The following IL12RB2 variants were observed in gnomAD, a reference collection of about 807,000 sequenced individuals.
The protein encoded by IL12RB2 is interleukin 12 receptor subunit beta 2.
IL12RB2 carries 82 observed loss-of-function variants against 89.4 expected under a neutral mutation model. The observed-to-expected ratio is 0.92, with a 90% CI of 0.77 to 1.10. The LOEUF is 1.10. Among genes scored for constraint, IL12RB2 ranks in the 50% least tolerant of loss-of-function variants. The pLI is 0.00. For missense variants in IL12RB2, 963 were observed against 1,031.9 expected (o/e 0.93, Z 0.92); for synonymous variants, 368 against 370.1 (o/e 0.99, Z 0.07).
intron 13 of IL12RB2, among the ~76,000 whole-genome samples, chr1:67,379,447 T>C (rs1171596356): frequency 6.2e-5 from 9 of 144,130 alleles, no homozygotes; most frequent in Admixed American, 1.5e-4. Flanking sequence ...GAGGCGGAGG[T>C]TGCAGTGAGC....
intron 4 of IL12RB2, among the ~76,000 whole-genome samples, chr1:67,325,265 T>G (rs1250771850): frequency 7.2e-5 from 11 of 152,216 alleles, no homozygotes; most frequent in African/African-American, 2.4e-4. Context: ...TGTTGTTGTT[T>G]TTTTCTTTCT....
chr1:67,330,959 T>G (rs1658003461), intron 8 of IL12RB2, 149 bp downstream of exon 8: 2 of 481,378 alleles, frequency 4.2e-6, no homozygotes, highest in East Asian at 2.7e-5. Flanking sequence ...AATTTTTATA[T>G]TAACTTAAGT....
At position 67,390,188 on chromosome 1, in the gene IL12RB2, T is replaced by A. The variant is rs1375639571; in HGVS notation, c.2046+60T>A. On this transcript the variant is annotated intron_variant, in intron 16 of 16. Transcript: ENST00000674203. Reference sequence around the variant, plus strand: ...GTTCTAGTGATCACCACATCTAAGTTTTCCATTGTAGTTACGAGGAAGCCT... The same window carrying A: ...GTTCTAGTGATCACCACATCTAAGTATTCCATTGTAGTTACGAGGAAGCCT... 3.5e-6 allele frequency: 3 copies of A among 856,138 alleles called. No homozygotes were observed. In the East Asian group the frequency reaches 7.3e-5, roughly 21 times the overall value. 53.0% of individuals were successfully genotyped at this position (856,138 alleles called of 1,614,324 possible). A position where few individuals can be genotyped will look rare whatever the true frequency, so the allele number is the denominator to read the frequency against.
rs1281099722 is a variant in IL12RB2 at position 67,396,230 on chromosome 1, T to C, written c.*141T>C. On this transcript the variant is annotated 3_prime_UTR_variant, in exon 17 of 17. Coordinates refer to ENST00000674203, the MANE Select transcript of IL12RB2 (RefSeq NM_001374259.2). ...GCAGCTAGAGGACAGGCAAGCCAGCTCTGGGGGAGTCTTAGGAACTGGGAG... is the reference window on the plus strand; with the variant it reads ...GCAGCTAGAGGACAGGCAAGCCAGCCCTGGGGGAGTCTTAGGAACTGGGAG... 6.6e-6 allele frequency: 5 copies of C among 755,072 alleles called. No individual in the cohort carries two copies. In the African/African-American group the frequency reaches 8.5e-5, roughly 13 times the overall value. The allele number at this position is 755,072 out of a possible 1,614,324, so 46.8% of individuals were successfully genotyped here.
intron 8 of IL12RB2, among the ~76,000 whole-genome samples, chr1:67,336,116 G>A (rs1421748205): frequency 6.6e-6 from 1 of 152,182 alleles, no homozygotes; most frequent in African/African-American, 2.4e-5. Context: ...CAAATGTCTG[G>A]ATTATCTAGT....
chr1:67,373,703 G>T (rs1663623215), intron 13 of IL12RB2, among the ~76,000 whole-genome samples: 1 of 152,132 alleles, frequency 6.6e-6, no homozygotes, highest in Non-Finnish European at 1.5e-5. Flanking sequence ...CAGAGTTTTT[G>T]TTTTTCTTGA....
intron 13 of IL12RB2, among the ~76,000 whole-genome samples, chr1:67,378,541 C>T (rs543466877): frequency 6.6e-6 from 1 of 152,086 alleles, no homozygotes; most frequent in African/African-American, 2.4e-5. Flanking sequence ...TGGAAAAGTG[C>T]AAAATCAAAG....
chr1:67,342,761 C>CTTTTTTTTTTTTTTTTTTTT (rs71062413), intron 9 of IL12RB2, among the ~76,000 whole-genome samples: 1 of 137,168 alleles, frequency 7.3e-6, no homozygotes, highest in African/African-American at 2.7e-5. Flanking sequence ...AAAATCACAC[C>CTTTTTTTTTTTTTTTTTTTT]TTTTTTTTTT....
At chr1:67,355,030 TGC>T in intron 10 of IL12RB2, among the ~76,000 whole-genome samples, 1 of 150,636 alleles carries the variant, frequency 6.6e-6, no homozygotes, top group Non-Finnish European at 1.5e-5. Context: ...GCAGGGGGAT[TGC>T]TTGAGCCCAG....
chr1:67,309,132 T>G (rs1654692139), intron 1 of IL12RB2, among the ~76,000 whole-genome samples: 1 of 152,108 alleles, frequency 6.6e-6, no homozygotes, highest in African/African-American at 2.4e-5. Context: ...TTTTTAAAAC[T>G]CTAGATAATT....
Position 67,350,950 on chromosome 1 carries a change from GAC to G in IL12RB2, c.1123_1124del (p.Gln375GlufsTer14), listed in dbSNP as rs1026669374. 1.2e-6 allele frequency: 2 copies of G among 1,614,022 alleles called. No individual in the cohort carries two copies. Among genetic ancestry groups the G allele is most frequent in the African/African-American group, 2.7e-5 (2 of 74,922 alleles). On this transcript the variant is annotated frameshift_variant, in exon 10 of 17. Transcript: ENST00000674203. LOFTEE classifies it high-confidence loss of function. ...AGGAGCTGACAGGAGGGAAAGCCAT[GAC>G]ACAGAACATCACAGGACACACCTCC... is the stretch of plus-strand genomic sequence containing the variant. The part of the protein sequence containing the change: ...LQELTGGKAM[T>X]QNITGHTSWT...
chr1:67,352,325 G>A (rs1660939599), intron 10 of IL12RB2, among the ~76,000 whole-genome samples: 1 of 152,140 alleles, frequency 6.6e-6, no homozygotes, highest in Non-Finnish European at 1.5e-5. Flanking sequence ...GACAGCCTAG[G>A]GCTGGTGTGA....
intron 14 of IL12RB2, among the ~76,000 whole-genome samples, chr1:67,384,173 G>A (rs11582405): frequency 2.0e-5 from 3 of 152,070 alleles, no homozygotes; most frequent in Non-Finnish European, 2.9e-5. Context: ...TAAGGGCTCC[G>A]CCCCTGCAGC....
At chr1:67,388,596 A>G (rs901262840) in intron 15 of IL12RB2, among the ~76,000 whole-genome samples, 9 of 152,170 alleles carry the variant, frequency 5.9e-5, no homozygotes, top group Non-Finnish European at 1.2e-4. Flanking sequence ...CACCCACCTC[A>G]GTCTCCCAAA....
chr1:67,391,540 T>C (rs180970910), intron 16 of IL12RB2, among the ~76,000 whole-genome samples: 1 of 148,788 alleles, frequency 6.7e-6, no homozygotes, highest in Admixed American at 6.7e-5. Flanking sequence ...TATACATTCA[T>C]TATTATAATT....
In IL12RB2 at chr1:67,320,359, T is replaced by C. The variant is rs768949450; in HGVS notation, c.-10T>C. On this transcript the variant is annotated 5_prime_UTR_variant, in exon 3 of 17. Transcript: ENST00000674203. ...AAGAATACGGAGTTCTATACCAGAGTTGATTGTTGATGGCACATACTTTTA... is the reference window on the plus strand; with the variant it reads ...AAGAATACGGAGTTCTATACCAGAGCTGATTGTTGATGGCACATACTTTTA... The C allele has an allele frequency of 9.9e-6, 16 of 1,613,776 alleles. No individual in the cohort carries two copies. The highest frequency in any genetic ancestry group is 1.4e-5 in the Non-Finnish European group (16 of 1,179,916).
intron 1 of IL12RB2, among the ~76,000 whole-genome samples, chr1:67,310,431 G>A (rs973212844): frequency 6.6e-6 from 1 of 152,152 alleles, no homozygotes; most frequent in East Asian, 1.9e-4. Flanking sequence ...GGAAAATTTT[G>A]AGAATACTTA....
chr1:67,309,664 C>A (rs1326709577), intron 1 of IL12RB2, among the ~76,000 whole-genome samples: 1 of 152,086 alleles, frequency 6.6e-6, no homozygotes, highest in East Asian at 1.9e-4. Context: ...CAAACGGAAT[C>A]TTTTCTGTAT....
At chr1:67,391,407 ACTG>A (rs1436527997) in intron 16 of IL12RB2, among the ~76,000 whole-genome samples, 2 of 147,818 alleles carry the variant, frequency 1.4e-5, no homozygotes, top group African/African-American at 4.9e-5. Flanking sequence ...ACACACACAA[ACTG>A]CTGTTTTATA....
Sources: allele counts gnomAD v4.1 joint callset (sites outside exome capture counted in the v4.1 genomes callset), GRCh38; gene constraint gnomAD v4.1.1; transcripts MANE v1.5; gene names NCBI Gene and HGNC (gene_info 2026-07-23, HGNC 2026-07-21).